TLL1: variants seen among roughly 807,000 people sequenced by gnomAD.
TLL1 encodes the protein tolloid-like protein 1.
In TLL1, 49 loss-of-function variants were observed where a neutral mutation model predicts 128.2. The ratio of observed to expected loss-of-function variants is 0.38; its 90% CI spans 0.30 to 0.48. The LOEUF is 0.48. Ranked by LOEUF, TLL1 falls within the 20% of genes least tolerant of loss-of-function variation. The pLI, the probability that TLL1 is intolerant of heterozygous loss-of-function variation, is 0.96. For missense variants in TLL1, 1,123 were observed against 1,242.0 expected (o/e 0.90, Z 1.44); for synonymous variants, 454 against 418.8 (o/e 1.08, Z -1.03).
At chr4:166,029,193 G>A (rs1200346773) in intron 9 of TLL1, among the ~76,000 whole-genome samples, 1 of 151,348 alleles carries the variant, frequency 6.6e-6, no homozygotes, top group African/African-American at 2.4e-5. Context: ...TCTCTCTACT[G>A]GTTTGAAAGT....
At chr4:166,066,552 C>T (rs1740583548) in intron 16 of TLL1, among the ~76,000 whole-genome samples, 1 of 151,766 alleles carries the variant, frequency 6.6e-6, no homozygotes, top group South Asian at 2.1e-4. Context: ...TCTGTCTTTG[C>T]AACTAGCAAG....
At chr4:165,890,771 A>G (rs1201797863) in intron 1 of TLL1, among the ~76,000 whole-genome samples, 1 of 152,186 alleles carries the variant, frequency 6.6e-6, no homozygotes, top group Non-Finnish European at 1.5e-5. Context: ...GAAAGCTGTC[A>G]GTGGATTTAC....
chr4:166,038,101 T>C (rs1221393165), intron 9 of TLL1, among the ~76,000 whole-genome samples: 4 of 152,166 alleles, frequency 2.6e-5, no homozygotes, highest in Admixed American at 1.3e-4. Context: ...ATGTTAAATA[T>C]TGTGTTCAAG....
At chr4:165,889,640 T>C (rs1731307577) in intron 1 of TLL1, among the ~76,000 whole-genome samples, 1 of 152,200 alleles carries the variant, frequency 6.6e-6, no homozygotes, top group African/African-American at 2.4e-5. Flanking sequence ...AACAGCTAAG[T>C]AGGATTATGC....
At chr4:166,100,029 C>T (rs1335156637) in intron 20 of TLL1, among the ~76,000 whole-genome samples, 5 of 152,112 alleles carry the variant, frequency 3.3e-5, no homozygotes, top group African/African-American at 7.2e-5. Context: ...CAGAGTGTCA[C>T]TTGTGCAGGT....
intron 12 of TLL1, 130 bp downstream of exon 12, chr4:166,043,549 C>T: frequency 7.3e-7 from 1 of 1,362,140 alleles, no homozygotes; most frequent in Non-Finnish European, 1.0e-6. Flanking sequence ...CAAAGGATCG[C>T]TCATAAAATG....
intron 1 of TLL1, among the ~76,000 whole-genome samples, chr4:165,877,128 C>T (rs569696591): frequency 6.6e-6 from 1 of 152,346 alleles, no homozygotes; most frequent in Admixed American, 6.5e-5. Context: ...CTATCCTCAA[C>T]ACATTTGTGA....
At chr4:165,926,207 G>C (rs1186632446) in intron 1 of TLL1, among the ~76,000 whole-genome samples, 1 of 152,134 alleles carries the variant, frequency 6.6e-6, no homozygotes, top group African/African-American at 2.4e-5. Flanking sequence ...ATTTCAGGAA[G>C]TATATATTGA....
At chr4:165,885,627 G>T (rs1316763659) in intron 1 of TLL1, among the ~76,000 whole-genome samples, 2 of 152,106 alleles carry the variant, frequency 1.3e-5, no homozygotes, top group African/African-American at 4.8e-5. Context: ...AGAGTAGCAA[G>T]GTATGTGAGA....
chr4:166,037,180 G>C (rs1039953797), intron 9 of TLL1, among the ~76,000 whole-genome samples: 2 of 152,160 alleles, frequency 1.3e-5, no homozygotes, highest in African/African-American at 4.8e-5. Context: ...TATTCTCCAT[G>C]TGGAGCAGAC....
chr4:166,042,214 T>A (rs1026500561), intron 11 of TLL1, 71 bp downstream of exon 11: 1 of 1,003,088 alleles, frequency 1.0e-6, no homozygotes. Flanking sequence ...CTTAATTTCA[T>A]TACAATGACA....
chr4:165,915,112 T>C (rs573116873), intron 1 of TLL1, among the ~76,000 whole-genome samples: 1 of 152,180 alleles, frequency 6.6e-6, no homozygotes, highest in Non-Finnish European at 1.5e-5. Flanking sequence ...TGATGATCAA[T>C]AGACTGGCTA....
At chr4:165,922,834 A>G (rs962984019) in intron 1 of TLL1, among the ~76,000 whole-genome samples, 8 of 152,232 alleles carry the variant, frequency 5.3e-5, no homozygotes, top group African/African-American at 1.9e-4. Context: ...ATATTTAGAT[A>G]GAGCCTAATC....
chr4:166,047,741 G>T (rs2111100597), intron 12 of TLL1, among the ~76,000 whole-genome samples: 1 of 152,172 alleles, frequency 6.6e-6, no homozygotes, highest in South Asian at 2.1e-4. Flanking sequence ...GAGCAGGAAG[G>T]AACACTATTT....
At chr4:166,034,537 C>G (rs1286113113) in intron 9 of TLL1, among the ~76,000 whole-genome samples, 2 of 151,992 alleles carry the variant, frequency 1.3e-5, no homozygotes, top group Non-Finnish European at 2.9e-5. Context: ...TTACTATGGC[C>G]ATAAAGTGTA....
intron 1 of TLL1, among the ~76,000 whole-genome samples, chr4:165,902,492 C>G (rs1732043823): frequency 6.6e-6 from 1 of 152,106 alleles, no homozygotes; most frequent in Admixed American, 6.6e-5. Flanking sequence ...ATGCACCGTT[C>G]CTCACCTCAT....
intron 12 of TLL1, among the ~76,000 whole-genome samples, chr4:166,043,928 C>T (rs886980736): frequency 1.3e-5 from 2 of 151,756 alleles, no homozygotes; most frequent in Admixed American, 6.6e-5. Flanking sequence ...TCAGCAGCAT[C>T]GTTGTGTTAT....
chr4:166,043,760 A>G (rs554566665), intron 12 of TLL1, among the ~76,000 whole-genome samples: 1 of 152,256 alleles, frequency 6.6e-6, no homozygotes, highest in African/African-American at 2.4e-5. Context: ...CTTCTAAACT[A>G]AGAGATTAAA....
At chr4:166,044,460 C>T (rs920923750) in intron 12 of TLL1, 1 of 1,521,092 alleles carries the variant, frequency 6.6e-7, no homozygotes, top group African/African-American at 1.4e-5. Context: ...CAGTACTTGT[C>T]TCTGTCCCCT....
Sources: allele counts gnomAD v4.1 joint callset (sites outside exome capture counted in the v4.1 genomes callset), GRCh38; gene constraint gnomAD v4.1.1; transcripts MANE v1.5; gene names NCBI Gene and HGNC (gene_info 2026-07-23, HGNC 2026-07-21).